MAP2K3: variants seen among roughly 807,000 people sequenced by gnomAD.
MAP2K3 encodes dual specificity mitogen-activated protein kinase kinase 3.
In MAP2K3, 30 loss-of-function variants were observed where a neutral mutation model predicts 46.4. The observed-to-expected ratio is 0.65, with a 90% CI of 0.48 to 0.88. The LOEUF (loss-of-function observed/expected upper bound fraction) is 0.88. Ranked by LOEUF, MAP2K3 falls within the 40% of genes least tolerant of loss-of-function variation. The pLI is 0.00. For missense variants in MAP2K3, 380 were observed against 464.5 expected (o/e 0.82, Z 1.67); for synonymous variants, 189 against 176.3 (o/e 1.07, Z -0.57).
At chr17:21,313,730 AG>A (rs1977277737) in intron 11 of MAP2K3, 193 bp downstream of exon 11, 2 of 622,340 alleles carry the variant, frequency 3.2e-6, no homozygotes, top group Non-Finnish European at 2.9e-6. Flanking sequence ...CCTGCATGCC[AG>A]GCCCTGGGAA....
intron 10 of MAP2K3, among the ~76,000 whole-genome samples, chr17:21,313,047 G>A (rs1257690596): frequency 6.6e-6 from 1 of 152,170 alleles, no homozygotes; most frequent in Admixed American, 6.5e-5. Flanking sequence ...TCACACCCAT[G>A]GTCCCCGCAC....
At chr17:21,301,109 G>T (rs1451680313) in intron 5 of MAP2K3, 116 bp downstream of exon 5, 1 of 1,545,334 alleles carries the variant, frequency 6.5e-7, no homozygotes, top group African/African-American at 1.4e-5. Flanking sequence ...TGGCATACTG[G>T]CAGGAGGCTC....
chr17:21,299,935 T>C (rs1976495257), intron 3 of MAP2K3, among the ~76,000 whole-genome samples: 1 of 152,304 alleles, frequency 6.6e-6, no homozygotes, highest in Non-Finnish European at 1.5e-5. Context: ...TGAGCCAAGA[T>C]TACCCCATTG....
intron 10 of MAP2K3, among the ~76,000 whole-genome samples, chr17:21,313,027 G>A (rs1977237746): frequency 6.6e-6 from 1 of 152,124 alleles, no homozygotes; most frequent in Non-Finnish European, 1.5e-5. Flanking sequence ...AAGCGGCCGG[G>A]TGCGGTGGCT....
At chr17:21,294,320 C>T (rs1976118062) in intron 1 of MAP2K3, among the ~76,000 whole-genome samples, 1 of 152,312 alleles carries the variant, frequency 6.6e-6, no homozygotes, top group Non-Finnish European at 1.5e-5. Context: ...GGGCAGTGAA[C>T]TAGGAGCAGG....
intron 1 of MAP2K3, 53 bp downstream of exon 1, chr17:21,285,022 G>C: frequency 6.3e-7 from 1 of 1,576,746 alleles, no homozygotes; most frequent in Non-Finnish European, 8.6e-7. Context: ...ATCTGGGGCC[G>C]GGCTGCAAAC....
intron 6 of MAP2K3, among the ~76,000 whole-genome samples, chr17:21,302,722 A>G (rs1309297146): frequency 6.6e-6 from 1 of 152,310 alleles, no homozygotes; most frequent in Non-Finnish European, 1.5e-5. Flanking sequence ...TAGCCAAAGG[A>G]AAAAGGAAAA....
chr17:21,298,331 C>T (rs1976379804), intron 1 of MAP2K3, 82 bp from the exon 2 acceptor site: 3 of 1,588,838 alleles, frequency 1.9e-6, no homozygotes, highest in African/African-American at 2.7e-5. Context: ...CCCTTGTGGG[C>T]CAGGGCCTGA....
At chr17:21,298,347 C>A (rs762870202) in intron 1 of MAP2K3, 66 bp from the exon 2 acceptor site, 1 of 1,606,416 alleles carries the variant, frequency 6.2e-7, no homozygotes. Context: ...CCTGATGGCT[C>A]ATGGGAGTGC....
In MAP2K3 at chr17:21,284,866, G is replaced by A; in HGVS notation, c.-55G>A. The stretch of plus-strand genomic sequence containing the variant: ...AGCCATGAGCGTGCTCGGCCCCGGT[G>A]GAGCCCGCAGTCCTCTAGATTAGTC... On this transcript the variant is annotated 5_prime_UTR_variant, in exon 1 of 12. Transcript: ENST00000342679. The A allele has an allele frequency of 1.3e-6, 2 of 1,586,466 alleles. No homozygotes were observed. The highest frequency in any genetic ancestry group is 2.3e-5 in the South Asian group (2 of 88,072).
chr17:21,303,505 C>T (rs1234253322), intron 7 of MAP2K3, among the ~76,000 whole-genome samples: 1 of 152,312 alleles, frequency 6.6e-6, no homozygotes, highest in East Asian at 1.9e-4. Context: ...CGTGAAACTC[C>T]AGCATAGAGT....
chr17:21,310,710 G>A (rs61059691), intron 9 of MAP2K3, among the ~76,000 whole-genome samples: 30,226 of 152,190 alleles, frequency 0.2, 3,147 homozygotes, highest in South Asian at 0.29. Flanking sequence ...ACAGGGGTGC[G>A]ACTACGGTCC....
intron 3 of MAP2K3, 147 bp downstream of exon 3, chr17:21,299,073 C>CTG (rs1179320915): frequency 8.6e-6 from 10 of 1,160,378 alleles, no homozygotes; most frequent in Middle Eastern, 2.0e-4. Flanking sequence ...GCGCTGCTGG[C>CTG]TGTGTGGCCC....
At chr17:21,302,718 A>G (rs1976675681) in intron 6 of MAP2K3, among the ~76,000 whole-genome samples, 1 of 152,292 alleles carries the variant, frequency 6.6e-6, no homozygotes, top group South Asian at 2.1e-4. Flanking sequence ...CCAGTAGCCA[A>G]AGGAAAAAGG....
Position 21,295,379 on chromosome 17 carries a change from G to A in MAP2K3, c.50-3034G>A, listed in dbSNP as rs1191097285. On this transcript the variant is annotated intron_variant, in intron 1 of 11. Coordinates refer to ENST00000342679, the MANE Select transcript of MAP2K3 (RefSeq NM_145109.3). ...CTGCCTGGGGGCTGCTATGAGGCTG[G>A]AGTATGTGGAGGACACCCCAGGACA... Among the ~76,000 whole-genome samples, 22 of 152,416 alleles carry A rather than the reference G, an allele frequency of 1.4e-4. No individual in the cohort carries two copies. The East Asian group carries it at 4.2e-3, about 29-fold the overall frequency.
chr17:21,298,588 G>A (rs1278557790), intron 2 of MAP2K3, 109 bp downstream of exon 2: 45 of 1,558,814 alleles, frequency 2.9e-5, no homozygotes, highest in Non-Finnish European at 3.9e-5. Context: ...ACCTCGTCCT[G>A]TCCTGGGCAG....
chr17:21,314,042 T>C (rs539939314), intron 11 of MAP2K3, 105 bp from the exon 12 acceptor site: 1 of 838,502 alleles, frequency 1.2e-6, no homozygotes, highest in South Asian at 1.4e-5. Flanking sequence ...ATGAGTAGGA[T>C]TTTGCCAGTC....
intron 1 of MAP2K3, chr17:21,285,271 T>G: frequency 1.0e-6 from 1 of 985,340 alleles, no homozygotes; most frequent in Non-Finnish European, 1.2e-6. Context: ...CATTTGGGCC[T>G]TATGGCTGCA....
At chr17:21,298,254 T>A (rs1053387308) in intron 1 of MAP2K3, 159 bp from the exon 2 acceptor site, 13 of 1,068,710 alleles carry the variant, frequency 1.2e-5, no homozygotes, top group Non-Finnish European at 1.3e-5. Flanking sequence ...TCCTTCCCCC[T>A]TTGAAGGCCT....
Sources: gnomAD v4.1 joint callset for allele counts (sites outside exome capture counted in the v4.1 genomes callset) on GRCh38, gnomAD v4.1.1 for gene constraint, MANE v1.5 for transcripts, NCBI Gene and HGNC (gene_info 2026-07-23, HGNC 2026-07-21) for gene names.